The following RCL1 variants were observed in gnomAD, a reference collection of about 807,000 sequenced individuals.
RCL1 encodes the protein RNA terminal phosphate cyclase like 1.
RCL1 carries 24 observed loss-of-function variants against 42.4 expected under a neutral mutation model. The ratio of observed to expected loss-of-function variants is 0.57; its 90% CI spans 0.41 to 0.80. The LOEUF (loss-of-function observed/expected upper bound fraction) is 0.80. Ranked by LOEUF, RCL1 falls within the 30% of genes least tolerant of loss-of-function variation. RCL1 has a pLI of 0.00. For synonymous variants in RCL1, 228 were observed against 177.3 expected (o/e 1.29, Z -2.27); for missense variants, 578 against 467.9 (o/e 1.24, Z -2.17).
intron 5 of RCL1, 96 bp from the exon 6 acceptor site, chr9:4,841,136 T>A: frequency 7.5e-7 from 1 of 1,324,892 alleles, no homozygotes; most frequent in South Asian, 1.3e-5. Flanking sequence ...AGTCCCAGTT[T>A]GTTACTACAG....
At chr9:4,805,833 T>G (rs1420452468) in intron 1 of RCL1, among the ~76,000 whole-genome samples, 1 of 152,200 alleles carries the variant, frequency 6.6e-6, no homozygotes, top group South Asian at 2.1e-4. Flanking sequence ...GCCTTGTCAG[T>G]CTGGGGAACT....
chr9:4,806,886 T>C lies in RCL1; in HGVS notation c.136+13659T>C, dbSNP rs1168697566. Among the ~76,000 whole-genome samples, 2 of 152,192 alleles carry C rather than the reference T, an allele frequency of 1.3e-5. 1 individual carries two copies. The highest frequency in any genetic ancestry group is 1.3e-4 in the Admixed American group (2 of 15,276). On this transcript the variant is annotated intron_variant, in intron 1 of 8. Transcript: ENST00000381750. ...TCATATGGGCCAAGAGATTTCTTTT[T>C]TGGGAGTTTTTAGATTATGCATTTC...
At position 4,840,125 on chromosome 9, in the gene RCL1, G is replaced by A. The variant is rs147579396; in HGVS notation, c.585-1107G>A. On this transcript the variant is annotated intron_variant, in intron 5 of 8. Coordinates refer to ENST00000381750, the MANE Select transcript of RCL1 (RefSeq NM_005772.5). The stretch of plus-strand genomic sequence containing the variant: ...GATTGGTCTTTTAGTATGAAGTTCA[G>A]GATGGGTCAAAAAAGGGAGCTAGAT... Among the ~76,000 whole-genome samples, 16 of 152,040 alleles carry A rather than the reference G, an allele frequency of 1.1e-4. 1 individual carries two copies. In the East Asian group the frequency reaches 3.1e-3, roughly 29 times the overall value.
chr9:4,810,071 G>A (rs1191834527), intron 1 of RCL1, among the ~76,000 whole-genome samples: 2 of 152,168 alleles, frequency 1.3e-5, no homozygotes, highest in Admixed American at 6.5e-5. Context: ...CAAGTGATCT[G>A]CCTGCTTTGG....
intron 5 of RCL1, among the ~76,000 whole-genome samples, chr9:4,834,992 C>T (rs1228977788): frequency 6.6e-6 from 1 of 152,176 alleles, no homozygotes; most frequent in Admixed American, 6.5e-5. Context: ...AGAAAGGAGC[C>T]TTGAAGAACA....
chr9:4,794,001 A>G (rs1345402020), intron 1 of RCL1, among the ~76,000 whole-genome samples: 1 of 152,248 alleles, frequency 6.6e-6, no homozygotes, highest in Non-Finnish European at 1.5e-5. Context: ...CCGGTTTTCA[A>G]CTGGCCTTGG....
intron 6 of RCL1, among the ~76,000 whole-genome samples, chr9:4,842,067 C>CTA (rs903411821): frequency 6.6e-6 from 1 of 152,174 alleles, no homozygotes. Flanking sequence ...CTCCTGCTGC[C>CTA]TATAGTTAAC....
At chr9:4,843,826 G>C (rs369581048) in intron 6 of RCL1, among the ~76,000 whole-genome samples, 26 of 152,252 alleles carry the variant, frequency 1.7e-4, no homozygotes, top group African/African-American at 6.3e-4. Context: ...CTGCTGGTCA[G>C]GTGACTCAAA....
chr9:4,793,735 C>T (rs1033997515), intron 1 of RCL1, among the ~76,000 whole-genome samples: 13 of 152,174 alleles, frequency 8.5e-5, no homozygotes, highest in Non-Finnish European at 1.5e-5. Context: ...TTCTCGGCTG[C>T]CCTCACACTT....
intron 1 of RCL1, among the ~76,000 whole-genome samples, chr9:4,810,281 A>G (rs565706936): frequency 3.3e-5 from 5 of 152,206 alleles, no homozygotes; most frequent in Non-Finnish European, 5.9e-5. Context: ...CGATGTAGCT[A>G]TTACCCATGA....
intron 5 of RCL1, among the ~76,000 whole-genome samples, chr9:4,836,359 G>A (rs1186838731): frequency 6.6e-6 from 1 of 152,166 alleles, no homozygotes; most frequent in Non-Finnish European, 1.5e-5. Flanking sequence ...ACTGAGGATT[G>A]TCACAGGGGC....
At chr9:4,855,072 A>AAAAAAAAAAAAAC (rs56709677) in intron 8 of RCL1, among the ~76,000 whole-genome samples, 1 of 140,628 alleles carries the variant, frequency 7.1e-6, no homozygotes, top group Non-Finnish European at 1.5e-5. Flanking sequence ...AAAAAAAAAA[A>AAAAAAAAAAAAAC]ATAGGAAAAG....
chr9:4,802,361 A>G (rs1443725563), intron 1 of RCL1, among the ~76,000 whole-genome samples: 1 of 152,146 alleles, frequency 6.6e-6, no homozygotes, highest in African/African-American at 2.4e-5. Flanking sequence ...TAAATTTTAG[A>G]ATAATCTTGT....
At position 4,827,105 on chromosome 9, in the gene RCL1, A is replaced by G. The variant is rs752426728; in HGVS notation, c.384+72A>G. On this transcript the variant is annotated intron_variant, in intron 3 of 8. Coordinates refer to ENST00000381750, the MANE Select transcript of RCL1 (RefSeq NM_005772.5). ...GTCACAACCCAACTTGTGAGAAAAA[A>G]GTTCCTTATAAGGCACAGTTTTATT... The G allele has an allele frequency of 1.9e-6, 3 of 1,601,562 alleles. No individual in the cohort carries two copies. The African/African-American group carries it at 4.0e-5, about 21-fold the overall frequency.
rs1045372575 is a variant in RCL1, at chr9:4,793,365, C to T, written c.136+138C>T. The T allele has an allele frequency of 3.9e-6, 4 of 1,015,490 alleles. No individual in the cohort carries two copies. In the African/African-American group the frequency reaches 5.2e-5, roughly 13 times the overall value. The allele number at this position is 1,015,490 out of a possible 1,614,324, so 62.9% of individuals were successfully genotyped here. On this transcript the variant is annotated intron_variant, in intron 1 of 8. Coordinates refer to ENST00000381750, the MANE Select transcript of RCL1 (RefSeq NM_005772.5). ...GTCGGGGAGGGCAGGTGGCGCGTCG[C>T]CTCCAAAGCCGGAGGGGCAGGCACA... is the stretch of plus-strand genomic sequence containing the variant.
At chr9:4,857,837 T>C (rs1818014545) in intron 8 of RCL1, among the ~76,000 whole-genome samples, 1 of 152,164 alleles carries the variant, frequency 6.6e-6, no homozygotes, top group African/African-American at 2.4e-5. Flanking sequence ...TTCACAGTGG[T>C]TTTGATTTTC....
chr9:4,795,027 C>G (rs911486929), intron 1 of RCL1, among the ~76,000 whole-genome samples: 1 of 152,196 alleles, frequency 6.6e-6, no homozygotes, highest in African/African-American at 2.4e-5. Flanking sequence ...ATTTGTACAT[C>G]CTTGCGCTGG....
At chr9:4,809,349 C>T (rs574640195) in intron 1 of RCL1, among the ~76,000 whole-genome samples, 6 of 151,510 alleles carry the variant, frequency 4.0e-5, no homozygotes, top group South Asian at 2.1e-4. Flanking sequence ...CTTGCTCTGT[C>T]GCCAGGCTGG....
chr9:4,807,708 A>G (rs1010343742), intron 1 of RCL1, among the ~76,000 whole-genome samples: 1 of 152,044 alleles, frequency 6.6e-6, no homozygotes, highest in Non-Finnish European at 1.5e-5. Context: ...TCGTAGAGAC[A>G]GGGTTTCTCC....
Sources: allele counts gnomAD v4.1 joint callset (sites outside exome capture counted in the v4.1 genomes callset), GRCh38; gene constraint gnomAD v4.1.1; transcripts MANE v1.5; gene names NCBI Gene and HGNC (gene_info 2026-07-23, HGNC 2026-07-21).